Variants in NELL2 observed in about 807,000 individuals in gnomAD.
The protein encoded by NELL2 is protein kinase C-binding protein NELL2.
NELL2 carries 41 observed loss-of-function variants against 109.6 expected under a neutral mutation model. That is an observed-to-expected ratio of 0.37 (90% CI 0.29 to 0.49). The LOEUF (loss-of-function observed/expected upper bound fraction) is 0.49, where lower values mean the gene tolerates loss of function less well. Among genes scored for constraint, NELL2 ranks in the 20% least tolerant of loss-of-function variants. NELL2 has a pLI of 0.98. For synonymous variants in NELL2, 355 were observed against 344.7 expected (o/e 1.03, Z -0.33); for missense variants, 900 against 1,008.3 (o/e 0.89, Z 1.45).
chr12:44,842,521 G>A (rs2136754642), intron 2 of NELL2, among the ~76,000 whole-genome samples: 1 of 152,316 alleles, frequency 6.6e-6, no homozygotes, highest in East Asian at 1.9e-4. Context: ...ATATCTCTGA[G>A]AACTTGGTAT....
At chr12:44,598,854 T>TACACACACACACACACACACAC (rs754118280) in intron 15 of NELL2, among the ~76,000 whole-genome samples, 31 of 118,470 alleles carry the variant, frequency 2.6e-4, no homozygotes, top group Middle Eastern at 4.4e-3. Flanking sequence ...AAGAAAGAAA[T>TACACACACACACACACACACAC]ACACACACAC....
At position 44,523,345 on chromosome 12, in the gene NELL2, G is replaced by A. The variant is rs762324368; in HGVS notation, c.1944C>T (p.His648=). The A allele has an allele frequency of 1.4e-5, 23 of 1,614,026 alleles. No individual in the cohort carries two copies. Among genetic ancestry groups the A allele is most frequent in the Non-Finnish European group, 1.9e-5 (23 of 1,180,026 alleles). ...TTTCCAACACCCAAATCTGACCATT[G>A]TGCTTAACTTTTCCATCATGGATGC... The part of the protein sequence containing the change: ...GDCIHDGKVK[H]NGQIWVLEND... The change falls in exon 17 of 20, where the codon CAC becomes CAT. Residue 648 remains histidine, a synonymous_variant. Transcript: ENST00000429094.
chr12:44,892,720 C>G (rs903954008), intron 1 of NELL2, among the ~76,000 whole-genome samples: 3 of 150,680 alleles, frequency 2.0e-5, no homozygotes, highest in African/African-American at 7.3e-5. Context: ...ATGGCGTGAA[C>G]CCGGGAGGCG....
chr12:44,659,589 T>C (rs1947664036), intron 13 of NELL2, among the ~76,000 whole-genome samples: 4 of 151,932 alleles, frequency 2.6e-5, no homozygotes, highest in African/African-American at 7.3e-5. Context: ...CCAAGAAACA[T>C]ATGAAAAAAA....
intron 2 of NELL2, chr12:44,875,008 C>T (rs1290790658): frequency 7.4e-6 from 4 of 539,410 alleles, no homozygotes; most frequent in Non-Finnish European, 1.3e-5. Flanking sequence ...TCCATTAGAA[C>T]TGGCAAGAGT....
intron 3 of NELL2, among the ~76,000 whole-genome samples, chr12:44,797,938 AGATGGAAT>A (rs376888328): frequency 1.2e-4 from 6 of 48,602 alleles, no homozygotes; most frequent in Admixed American, 2.6e-4. Flanking sequence ...ATTCCATCCT[AGATGGAAT>A]GATGGAATAA....
intron 7 of NELL2, among the ~76,000 whole-genome samples, chr12:44,776,448 A>G (rs1265902774): frequency 6.6e-6 from 1 of 152,238 alleles, no homozygotes; most frequent in East Asian, 1.9e-4. Context: ...CTTTCCATTT[A>G]AAAGAAAAAT....
chr12:44,634,541 A>G (rs1282108552), intron 13 of NELL2, among the ~76,000 whole-genome samples: 1 of 152,014 alleles, frequency 6.6e-6, no homozygotes, highest in Non-Finnish European at 1.5e-5. Flanking sequence ...ATGGTGTATA[A>G]GTGCCCACAT....
At chr12:44,854,378 C>CATT (rs1341607162) in intron 2 of NELL2, among the ~76,000 whole-genome samples, 2 of 152,140 alleles carry the variant, frequency 1.3e-5, no homozygotes, top group Non-Finnish European at 2.9e-5. Flanking sequence ...GCAAAGAAAG[C>CATT]ATTAGAACAA....
At chr12:44,892,026 T>C (rs1317797487) in intron 1 of NELL2, among the ~76,000 whole-genome samples, 1 of 152,222 alleles carries the variant, frequency 6.6e-6, no homozygotes, top group Non-Finnish European at 1.5e-5. Context: ...GGTGCTATGG[T>C]TTCCTTTCTA....
At chr12:44,658,113 T>G (rs554494936) in intron 13 of NELL2, among the ~76,000 whole-genome samples, 4 of 152,262 alleles carry the variant, frequency 2.6e-5, no homozygotes, top group African/African-American at 9.6e-5. Context: ...AAAAGTGTTC[T>G]TATTTCTCCA....
At chr12:44,901,896 G>C (rs767416541) in intron 1 of NELL2, among the ~76,000 whole-genome samples, 1 of 152,018 alleles carries the variant, frequency 6.6e-6, no homozygotes, top group African/African-American at 2.4e-5. Flanking sequence ...TTGATGGAAC[G>C]TATCTCAAAA....
rs199881941 is a variant in NELL2, at chr12:44,535,334, TA to T, written c.1664-2614del. 3.3e-5 allele frequency among the ~76,000 whole-genome samples: 5 copies of T among 151,994 alleles called. No individual in the cohort carries two copies. The South Asian group carries it at 6.2e-4, about 19-fold the overall frequency. On this transcript the variant is annotated intron_variant, in intron 15 of 19. Coordinates refer to ENST00000429094, the MANE Select transcript of NELL2 (RefSeq NM_001145108.2). ...ATACTCTGAGCAACCTATCATAAAT[TA>T]AAAAAACTCTTAAGTTAAACTATTT...
intron 3 of NELL2, among the ~76,000 whole-genome samples, chr12:44,806,498 G>A (rs1258481598): frequency 6.6e-5 from 10 of 151,750 alleles, no homozygotes; most frequent in Non-Finnish European, 1.5e-4. Flanking sequence ...GTGTGTAATT[G>A]TATACATATT....
intron 12 of NELL2, among the ~76,000 whole-genome samples, chr12:44,696,041 A>G (rs952634028): frequency 6.6e-5 from 10 of 152,324 alleles, no homozygotes; most frequent in African/African-American, 1.9e-4. Context: ...CCAAAGAACC[A>G]TAGTTTTGCT....
rs1188393357 is a variant in NELL2, at chr12:44,791,121, G to GTATATA, written c.336-11105_336-11100dup. 4.9e-3 allele frequency among the ~76,000 whole-genome samples: 118 copies of GTATATA among 24,212 alleles called. 5 individuals are homozygous for GTATATA. The highest frequency in any genetic ancestry group is 6.6e-3 in the Non-Finnish European group (80 of 12,204). 15.9% of individuals were successfully genotyped at this position (24,212 alleles called of 152,430 possible). ...TGTATATATATATGTATATATATAT[G>GTATATA]TATATATATATATACACACGCACAC... On this transcript the variant is annotated intron_variant, in intron 3 of 19. Coordinates refer to ENST00000429094, the MANE Select transcript of NELL2 (RefSeq NM_001145108.2).
intron 2 of NELL2, among the ~76,000 whole-genome samples, chr12:44,820,608 CAA>C (rs11445797): frequency 4.5e-5 from 6 of 133,832 alleles, no homozygotes; most frequent in Admixed American, 7.5e-5. Context: ...GACTCCGTCT[CAA>C]AAAAAAAAAA....
chr12:44,788,316 C>T (rs913206432), intron 3 of NELL2, among the ~76,000 whole-genome samples: 3 of 152,172 alleles, frequency 2.0e-5, no homozygotes, highest in Admixed American at 6.5e-5. Context: ...TGCAGGACAC[C>T]GGAGACACTC....
In NELL2 at chr12:44,636,633, C is replaced by T. The variant is rs554147306; in HGVS notation, c.1445-25663G>A. Among the ~76,000 whole-genome samples, 15 of 152,176 alleles carry T rather than the reference C, an allele frequency of 9.9e-5. No homozygotes were observed. In the East Asian group the frequency reaches 2.1e-3, roughly 22 times the overall value. On this transcript the variant is annotated intron_variant, in intron 13 of 19. Transcript: ENST00000429094. ...CAGCCTTGCATCCCAGGGATGAAGCCGACTTGATCATGGTGGATAAGCTTT... is the reference window on the plus strand; with the variant it reads ...CAGCCTTGCATCCCAGGGATGAAGCTGACTTGATCATGGTGGATAAGCTTT...
Sources: allele counts gnomAD v4.1 joint callset (sites outside exome capture counted in the v4.1 genomes callset), GRCh38; gene constraint gnomAD v4.1.1; transcripts MANE v1.5; gene names NCBI Gene and HGNC (gene_info 2026-07-23, HGNC 2026-07-21).